Variants in NPIPB2 observed in about 807,000 individuals in gnomAD.
NPIPB2 encodes the protein nuclear pore complex interacting protein family member B2, also known as nuclear pore complex-interacting protein family member B2.
A neutral mutation model predicts 30.8 loss-of-function variants in NPIPB2; 27 were observed. That is an observed-to-expected ratio of 0.88 (90% CI 0.65 to 1.21). The LOEUF (loss-of-function observed/expected upper bound fraction) is 1.21, where lower values mean the gene tolerates loss of function less well. Ranked by LOEUF, NPIPB2 falls within the 50% of genes most tolerant of loss-of-function variation. The probability of loss-of-function intolerance (pLI) is 0.00; values close to 1 mark genes in which losing one functional copy is unlikely to be tolerated. For missense variants in NPIPB2, 440 were observed against 446.2 expected (o/e 0.99, Z 0.13); for synonymous variants, 147 against 162.0 (o/e 0.91, Z 0.70).
intron 1 of NPIPB2, among the ~76,000 whole-genome samples, chr16:11,958,481 G>A (rs1270135546): frequency 2.0e-5 from 3 of 151,904 alleles, no homozygotes; most frequent in Non-Finnish European, 4.4e-5. Flanking sequence ...TATAATCCTA[G>A]CACTTTGGGA....
At chr16:11,936,988 G>GC (rs2054876075) in intron 2 of NPIPB2, among the ~76,000 whole-genome samples, 1 of 151,772 alleles carries the variant, frequency 6.6e-6, no homozygotes, top group Non-Finnish European at 1.5e-5. Context: ...ATCATTTGCT[G>GC]CCCCTCTAAA....
At chr16:11,932,410 G>A (rs1459713164) in intron 4 of NPIPB2, among the ~76,000 whole-genome samples, 2 of 150,664 alleles carry the variant, frequency 1.3e-5, no homozygotes, top group Non-Finnish European at 3.0e-5. Context: ...GGGAGGCTGA[G>A]GTAGGCAGAT....
chr16:11,937,903 A>G (rs548073843), intron 1 of NPIPB2, among the ~76,000 whole-genome samples: 3 of 152,298 alleles, frequency 2.0e-5, no homozygotes, highest in African/African-American at 7.2e-5. Context: ...TTCTTGGTAT[A>G]AAGCAGGGAT....
intron 1 of NPIPB2, chr16:11,968,114 A>C: frequency 2.3e-5 from 8 of 351,738 alleles, no homozygotes; most frequent in Non-Finnish European, 2.6e-5. Flanking sequence ...AAGCATGTAT[A>C]CCAGTGTGGG....
chr16:11,959,724 A>T (rs2055140408), intron 1 of NPIPB2, among the ~76,000 whole-genome samples: 1 of 152,190 alleles, frequency 6.6e-6, no homozygotes, highest in Admixed American at 6.5e-5. Flanking sequence ...TAGCTTTGCA[A>T]AAAAAGTCTC....
chr16:11,951,602 C>G (rs960226399), intron 1 of NPIPB2, among the ~76,000 whole-genome samples: 1 of 138,876 alleles, frequency 7.2e-6, no homozygotes, highest in Non-Finnish European at 1.5e-5. Flanking sequence ...GGCACTGATA[C>G]AGATGGACAC....
At chr16:11,933,633 A>G in exon 4 of NPIPB2, 4 of 1,596,880 alleles carry the variant, frequency 2.5e-6, no homozygotes, top group Non-Finnish European at 3.4e-6. Context: ...TCCGTAGAGT[A>G]ATGACGTCTT....
upstream of NPIPB2, among the ~76,000 whole-genome samples, chr16:11,945,376 G>C (rs2054995618): frequency 6.6e-6 from 1 of 151,822 alleles, no homozygotes; most frequent in South Asian, 2.1e-4. Context: ...GTGAGACCGT[G>C]TTTCAAAAAT....
intron 1 of NPIPB2, chr16:11,967,761 G>C (rs1417484830): frequency 6.2e-7 from 1 of 1,614,222 alleles, no homozygotes; most frequent in Admixed American, 1.7e-5. Context: ...AACCATTCTT[G>C]TCACCACGAA....
chr16:11,967,972 G>A, intron 1 of NPIPB2: 2 of 1,072,180 alleles, frequency 1.9e-6, no homozygotes, highest in South Asian at 1.6e-5. Context: ...TCTAACTGTG[G>A]AAACTCTTTA....
upstream of NPIPB2, among the ~76,000 whole-genome samples, chr16:11,946,022 CAAAAAAAAAA>C: frequency 1.4e-5 from 1 of 70,182 alleles, no homozygotes; most frequent in Non-Finnish European, 2.9e-5. Context: ...GTGGCTTCTA[CAAAAAAAAAA>C]AAAAGAAAAG....
chr16:11,951,550 C>G (rs1052357936), intron 1 of NPIPB2, among the ~76,000 whole-genome samples: 2 of 146,528 alleles, frequency 1.4e-5, no homozygotes, highest in African/African-American at 5.0e-5. Flanking sequence ...GTTCTTTATA[C>G]ATCCTTCTCC....
At chr16:11,965,108 A>T in intron 1 of NPIPB2, 1 of 590,798 alleles carries the variant, frequency 1.7e-6, no homozygotes. Context: ...ACCCCATCCA[A>T]GACTCAAACT....
At chr16:11,941,051 A>G (rs2054932235) in intron 1 of NPIPB2, 2 of 1,059,832 alleles carry the variant, frequency 1.9e-6, no homozygotes, top group South Asian at 2.7e-5. Context: ...GACTCAAGTG[A>G]TCTGCCCACC....
chr16:11,949,701 A>G (rs1365002435), intron 1 of NPIPB2, among the ~76,000 whole-genome samples: 2 of 152,312 alleles, frequency 1.3e-5, no homozygotes, highest in Non-Finnish European at 1.5e-5. Flanking sequence ...CCAGCCTCTC[A>G]GAGCCTTATG....
At chr16:11,954,336 CGGT>C (rs2055092176) in intron 1 of NPIPB2, among the ~76,000 whole-genome samples, 2 of 151,550 alleles carry the variant, frequency 1.3e-5, no homozygotes, top group Admixed American at 1.3e-4. Flanking sequence ...AAAAATTAGC[CGGT>C]CGTGGTTGCA....
At chr16:11,975,141 C>CTTTTCTTTTTTTTTTTTT (rs1220505865) in intron 1 of NPIPB2, among the ~76,000 whole-genome samples, 2 of 37,508 alleles carry the variant, frequency 5.3e-5, no homozygotes, top group Admixed American at 4.5e-4. Flanking sequence ...AATCCATCAC[C>CTTTTCTTTTTTTTTTTTT]TTTTTTTTTT....
In NPIPB2 at chr16:11,951,619, TACACATACACACACACACAC is replaced by T. The variant is rs1468423820; in HGVS notation, c.-583-9525_-583-9506del. Among the ~76,000 whole-genome samples the T allele has an allele frequency of 5.4e-4, 63 of 115,912 alleles. 1 individual carries two copies. Among genetic ancestry groups the T allele is most frequent in the African/African-American group, 2.0e-3 (62 of 31,090 alleles). The allele number at this position is 115,912 out of a possible 152,430, so 76.0% of individuals were successfully genotyped here. A position where few individuals can be genotyped will look rare whatever the true frequency, so the allele number is the denominator to read the frequency against. On this transcript the variant is annotated intron_variant, in intron 1 of 5. Coordinates refer to the NPIPB2 transcript ENST00000538896. ...CACTGATACAGATGGACACTGCACA[TACACATACACACACACACAC>T]ACACACACACACACACACACACACA...
intron 1 of NPIPB2, chr16:11,967,035 C>A (rs1018516770): frequency 3.0e-5 from 6 of 203,012 alleles, no homozygotes; most frequent in African/African-American, 1.2e-4. Flanking sequence ...GAGTCTCGCT[C>A]TGTGGCCCAG....
Sources: allele counts gnomAD v4.1 joint callset (sites outside exome capture counted in the v4.1 genomes callset), GRCh38; gene constraint gnomAD v4.1.1; transcripts MANE v1.5; gene names NCBI Gene and HGNC (gene_info 2026-07-23, HGNC 2026-07-21).